The following SIMC1 variants were observed in gnomAD, a reference collection of about 807,000 sequenced individuals.
SIMC1 encodes SUMO interacting motifs containing 1, also known as SUMO-interacting motif-containing protein 1.
In SIMC1, 55 loss-of-function variants were observed where a neutral mutation model predicts 82.3. The ratio of observed to expected loss-of-function variants is 0.67; its 90% CI spans 0.54 to 0.84. The LOEUF is 0.84. Among genes scored for constraint, SIMC1 ranks in the 40% least tolerant of loss-of-function variants. The pLI, the probability that SIMC1 is intolerant of heterozygous loss-of-function variation, is 0.00. For synonymous variants in SIMC1, 353 were observed against 426.3 expected (o/e 0.83, Z 2.12); for missense variants, 915 against 1,107.2 (o/e 0.83, Z 2.46).
At chr5:176,256,211 C>G (rs1160684675) in intron 1 of SIMC1, among the ~76,000 whole-genome samples, 1 of 152,136 alleles carries the variant, frequency 6.6e-6, no homozygotes, top group African/African-American at 2.4e-5. Flanking sequence ...AGGTCAAAAT[C>G]TCTTGCAAAT....
chr5:176,341,250 C>T (rs1230366416), intron 9 of SIMC1, among the ~76,000 whole-genome samples: 2 of 152,136 alleles, frequency 1.3e-5, no homozygotes, highest in Non-Finnish European at 2.9e-5. Context: ...GGCCTTGAGG[C>T]AAAAAGATGC....
chr5:176,263,032 C>T (rs1466828321), intron 1 of SIMC1, among the ~76,000 whole-genome samples: 1 of 151,664 alleles, frequency 6.6e-6, no homozygotes, highest in Non-Finnish European at 1.5e-5. Context: ...ACATACATTA[C>T]CATTTACATT....
chr5:176,241,488 A>G (rs980441392), intron 1 of SIMC1, among the ~76,000 whole-genome samples: 2 of 145,698 alleles, frequency 1.4e-5, no homozygotes, highest in Non-Finnish European at 3.0e-5. Flanking sequence ...TAATCTTTGT[A>G]CTCTTGTTCA....
In SIMC1 at chr5:176,345,394, G is replaced by A. The variant is rs759556481; in HGVS notation, c.2625G>A (p.Ala875=). 19 of 1,613,822 alleles carry A rather than the reference G, an allele frequency of 1.2e-5. No homozygotes were observed. In the South Asian group the frequency reaches 1.3e-4, roughly 11 times the overall value. ...TGAAGCTCCTGCTCTTCTATGCTGC[G>A]GACTTGAACCCTGATGCAGAGCCCT... is the stretch of plus-strand genomic sequence containing the variant. The part of the protein sequence containing the change: ...HLLKLLLFYA[A]DLNPDAEPFQ... The change falls in exon 10 of 10, where the codon GCG becomes GCA. Residue 875 remains alanine (A), a synonymous_variant. Transcript: ENST00000429602.
chr5:176,291,159 CTTTTTTTTTTTT>C (rs1173030195), intron 2 of SIMC1, among the ~76,000 whole-genome samples: 1 of 88,502 alleles, frequency 1.1e-5, no homozygotes, highest in Non-Finnish European at 2.1e-5. Flanking sequence ...TGTCACTTTA[CTTTTTTTTTTTT>C]TTTTTTTTTT....
intron 4 of SIMC1, among the ~76,000 whole-genome samples, chr5:176,303,770 A>G (rs761590291): frequency 1.3e-5 from 2 of 152,252 alleles, no homozygotes; most frequent in African/African-American, 2.4e-5. Flanking sequence ...CTTTGGGTAC[A>G]TGGTCAAGTG....
At chr5:176,339,723 A>G (rs1042857518) in intron 9 of SIMC1, among the ~76,000 whole-genome samples, 1 of 152,226 alleles carries the variant, frequency 6.6e-6, no homozygotes, top group African/African-American at 2.4e-5. Flanking sequence ...AAACCAGTAT[A>G]TATTGACCAA....
intron 4 of SIMC1, among the ~76,000 whole-genome samples, chr5:176,300,104 T>C (rs1763979170): frequency 1.3e-5 from 2 of 152,118 alleles, no homozygotes; most frequent in Admixed American, 6.6e-5. Flanking sequence ...CGAAAACTTA[T>C]GGATGCAGCA....
At chr5:176,308,817 A>T in intron 4 of SIMC1, 2 of 1,231,624 alleles carry the variant, frequency 1.6e-6, no homozygotes, top group Non-Finnish European at 2.4e-6. Context: ...GAGGATCCAC[A>T]GCCTTACACA....
chr5:176,319,020 G>T (rs1451021019), intron 5 of SIMC1, among the ~76,000 whole-genome samples: 1 of 152,164 alleles, frequency 6.6e-6, no homozygotes, highest in African/African-American at 2.4e-5. Flanking sequence ...GAGATAGGAG[G>T]ATCACTTGAG....
chr5:176,319,343 C>T (rs1765057873), intron 5 of SIMC1, among the ~76,000 whole-genome samples: 1 of 152,050 alleles, frequency 6.6e-6, no homozygotes, highest in Admixed American at 6.6e-5. Context: ...TCCAAGAGCC[C>T]TTTTATTTTT....
Position 176,272,796 on chromosome 5 carries a change from C to T in SIMC1, c.130-16858C>T, listed in dbSNP as rs1460680179. ...CACACCAGCAGATTATATCCTGCGCCTAGCTTGGAGGGTCCCACACCCATG... is the reference window on the plus strand; with the variant it reads ...CACACCAGCAGATTATATCCTGCGCTTAGCTTGGAGGGTCCCACACCCATG... On this transcript the variant is annotated intron_variant, in intron 1 of 9. Transcript: ENST00000429602. 3.3e-5 allele frequency among the ~76,000 whole-genome samples: 5 copies of T among 152,226 alleles called. No homozygotes were observed. The South Asian group carries it at 8.3e-4, about 25-fold the overall frequency.
chr5:176,275,215 G>GAGAA (rs1465033388), intron 1 of SIMC1, among the ~76,000 whole-genome samples: 1 of 151,244 alleles, frequency 6.6e-6, no homozygotes, highest in Non-Finnish European at 1.5e-5. Flanking sequence ...TGGATTCCTA[G>GAGAA]GTATTTTATT....
At chr5:176,271,985 CATAAT>C (rs1380798022) in intron 1 of SIMC1, among the ~76,000 whole-genome samples, 42 of 141,608 alleles carry the variant, frequency 3.0e-4, no homozygotes, top group Admixed American at 8.8e-4. Context: ...TTATATATAA[CATAAT>C]ATATATAACA....
At chr5:176,257,033 A>G (rs146157320) in intron 1 of SIMC1, among the ~76,000 whole-genome samples, 139 of 152,352 alleles carry the variant, frequency 9.1e-4, no homozygotes, top group African/African-American at 2.8e-3. Context: ...CTGGGATTAC[A>G]TGTGTGAGCC....
intron 4 of SIMC1, among the ~76,000 whole-genome samples, chr5:176,310,594 A>G (rs1384527006): frequency 6.6e-6 from 1 of 152,254 alleles, no homozygotes; most frequent in Non-Finnish European, 1.5e-5. Flanking sequence ...TCTTGAGGTG[A>G]CAAAATTATT....
At chr5:176,298,982 T>A (rs887267048) in intron 4 of SIMC1, among the ~76,000 whole-genome samples, 16 of 152,238 alleles carry the variant, frequency 1.1e-4, no homozygotes, top group Admixed American at 7.8e-4. Context: ...CAGTAATTAT[T>A]TTAAATGCAA....
intron 4 of SIMC1, among the ~76,000 whole-genome samples, chr5:176,312,282 T>A (rs1428558989): frequency 6.6e-6 from 1 of 152,120 alleles, no homozygotes; most frequent in African/African-American, 2.4e-5. Context: ...ACGCCTATAA[T>A]CCCAACACTT....
At chr5:176,309,238 AT>A (rs1275516381) in intron 4 of SIMC1, among the ~76,000 whole-genome samples, 1 of 152,238 alleles carries the variant, frequency 6.6e-6, no homozygotes, top group Non-Finnish European at 1.5e-5. Context: ...TGCTCAACTG[AT>A]TTTGAAAAAG....
Sources: allele counts gnomAD v4.1 joint callset (sites outside exome capture counted in the v4.1 genomes callset), GRCh38; gene constraint gnomAD v4.1.1; transcripts MANE v1.5; gene names NCBI Gene and HGNC (gene_info 2026-07-23, HGNC 2026-07-21).